The following PHEX variants were observed in gnomAD, a reference collection of about 807,000 sequenced individuals.
The protein encoded by PHEX is phosphate regulating endopeptidase X-linked, also known as phosphate-regulating neutral endopeptidase PHEX.
Under a neutral mutation model 68.0 loss-of-function variants are expected in PHEX, and 16 were observed. The observed-to-expected ratio is 0.24, with a 90% CI of 0.16 to 0.36. The LOEUF (loss-of-function observed/expected upper bound fraction) is 0.36, where lower values mean the gene tolerates loss of function less well. Ranked by LOEUF, PHEX falls within the 10% of genes least tolerant of loss-of-function variation. PHEX has a pLI of 1.00. For synonymous variants in PHEX, 208 were observed against 205.1 expected (o/e 1.01, Z -0.12); for missense variants, 480 against 575.5 (o/e 0.83, Z 1.70).
chrX:22,104,128 C>T (rs1487243850), intron 9 of PHEX, among the ~76,000 whole-genome samples: 1 of 111,741 alleles, frequency 8.9e-6, no homozygotes, highest in Non-Finnish European at 1.9e-5. Context: ...ATGTCTTTTG[C>T]CCACTTTTTG....
At chrX:22,069,655 A>G (rs781080840) in intron 3 of PHEX, among the ~76,000 whole-genome samples, 1 of 112,172 alleles carries the variant, frequency 8.9e-6, no homozygotes, top group Admixed American at 9.5e-5. Flanking sequence ...TAAAAAATGA[A>G]CAGAGAAAAT....
chrX:22,051,225 A>T (rs2146991779), intron 3 of PHEX, among the ~76,000 whole-genome samples: 1 of 112,752 alleles, frequency 8.9e-6, no homozygotes, highest in East Asian at 2.8e-4. Context: ...GTATTTTTTA[A>T]CAAAAATAGG....
At chrX:22,106,044 A>T (rs995420090) in intron 9 of PHEX, among the ~76,000 whole-genome samples, 2 of 110,023 alleles carry the variant, frequency 1.8e-5, no homozygotes, top group Non-Finnish European at 3.8e-5. Flanking sequence ...ATTTATTGCC[A>T]CTTGGGGAAA....
chrX:22,106,223 C>T (rs1357232111), intron 9 of PHEX, among the ~76,000 whole-genome samples: 2 of 111,542 alleles, frequency 1.8e-5, no homozygotes, highest in Non-Finnish European at 3.8e-5. Flanking sequence ...ATTAGCACTC[C>T]AAAACTGTGC....
chrX:22,140,823 A>G (rs1932427031), intron 12 of PHEX, among the ~76,000 whole-genome samples: 1 of 111,820 alleles, frequency 8.9e-6, no homozygotes, highest in Admixed American at 9.5e-5. Flanking sequence ...TGTTTCTCAC[A>G]TTAAATTAAC....
intron 20 of PHEX, among the ~76,000 whole-genome samples, chrX:22,243,110 C>T (rs56364967): frequency 0.087 from 9,668 of 111,166 alleles, 340 homozygotes; most frequent in Middle Eastern, 0.12. Context: ...AGAACAGAGC[C>T]CTCAGAAATA....
intron 12 of PHEX, among the ~76,000 whole-genome samples, chrX:22,165,087 T>A (rs926796741): frequency 4.5e-5 from 5 of 112,265 alleles, no homozygotes; most frequent in African/African-American, 1.6e-4. Flanking sequence ...AAGTGTACTA[T>A]CTTACTATGT....
At chrX:22,230,039 G>T (rs1278175597) in intron 20 of PHEX, among the ~76,000 whole-genome samples, 1 of 110,514 alleles carries the variant, frequency 9.0e-6, no homozygotes, top group African/African-American at 3.3e-5. Flanking sequence ...GTTTGTCAAA[G>T]ATCAGATGGT....
intron 21 of PHEX, among the ~76,000 whole-genome samples, chrX:22,246,103 T>C (rs772297576): frequency 9.0e-6 from 1 of 111,627 alleles, no homozygotes; most frequent in Non-Finnish European, 1.9e-5. Context: ...CGGTAGCTTA[T>C]ACAAAAAAGG....
At chrX:22,245,297 T>C in intron 20 of PHEX, 36 bp from the exon 21 acceptor site, 1 of 1,094,295 alleles carries the variant, frequency 9.1e-7, no homozygotes, top group Non-Finnish European at 1.3e-6. Flanking sequence ...ATAATTGGAA[T>C]GAAAGCTCAT....
In PHEX at chrX:22,053,895, C is replaced by T. The variant is rs370551970; in HGVS notation, c.349+6684C>T. On this transcript the variant is annotated intron_variant, in intron 3 of 21. Transcript: ENST00000379374. ...CCATTTATTTGTAAATACCTTCTGG[C>T]TGAGATTCAAATAGTTCTCGTAATT... is the stretch of plus-strand genomic sequence containing the variant. Among the ~76,000 whole-genome samples the T allele has an allele frequency of 4.5e-5, 5 of 111,886 alleles. No homozygotes were observed. In the East Asian group the frequency reaches 1.4e-3, roughly 31 times the overall value.
intron 9 of PHEX, among the ~76,000 whole-genome samples, chrX:22,105,821 T>G (rs2285064): frequency 0.34 from 37,791 of 111,296 alleles, 5,928 homozygotes; most frequent in African/African-American, 0.63. Flanking sequence ...GCCACTACAA[T>G]TTGAGTATCC....
At chrX:22,190,335 A>G in intron 14 of PHEX, 109 bp from the exon 15 acceptor site, 1 of 582,127 alleles carries the variant, frequency 1.7e-6, no homozygotes, top group South Asian at 2.2e-5. Context: ...CAACATCCCC[A>G]TTGTTCCATG....
intron 21 of PHEX, 48 bp downstream of exon 21, chrX:22,245,457 C>G (rs754996473): frequency 3.2e-5 from 27 of 832,052 alleles, no homozygotes; most frequent in East Asian, 1.6e-4. Context: ...ACATCTCCCC[C>G]CTTCCTCCCC....
rs1485174242 is a variant in PHEX at position 22,249,453 on chromosome X, AAAATATAT to A, written c.*1502_*1509del. 2.1e-4 allele frequency: 6 copies of A among 28,043 alleles called. 1 individual carries two copies. Among genetic ancestry groups the A allele is most frequent in the East Asian group, 1.9e-3 (3 of 1,599 alleles). 2.3% of individuals were successfully genotyped at this position (28,043 alleles called of 1,213,427 possible). A position where few individuals can be genotyped will look rare whatever the true frequency, so the allele number is the denominator to read the frequency against. On this transcript the variant is annotated 3_prime_UTR_variant, in exon 22 of 22. Transcript: ENST00000379374. ...ATTTGTGATTCTTTTAAAAAAAAAAAAAATATATATATATATATATATATATATATATA... is the reference window on the plus strand; with the variant it reads ...ATTTGTGATTCTTTTAAAAAAAAAAAATATATATATATATATATATATATA...
intron 11 of PHEX, among the ~76,000 whole-genome samples, chrX:22,116,539 C>T (rs1931240333): frequency 9.0e-6 from 1 of 111,322 alleles, no homozygotes. Flanking sequence ...CATGATTGTT[C>T]AAATGATTGG....
At chrX:22,181,661 G>C (rs1036938427) in intron 14 of PHEX, among the ~76,000 whole-genome samples, 2 of 111,639 alleles carry the variant, frequency 1.8e-5, no homozygotes, top group African/African-American at 6.5e-5. Flanking sequence ...TCTGTAGATT[G>C]CTTTTGGTAG....
intron 12 of PHEX, among the ~76,000 whole-genome samples, chrX:22,134,070 C>T (rs1272240082): frequency 8.9e-6 from 1 of 111,835 alleles, no homozygotes; most frequent in African/African-American, 3.3e-5. Context: ...TGTCCTGGGG[C>T]AAATCCTTTC....
At chrX:22,038,219 T>C (rs1414365318) in intron 1 of PHEX, among the ~76,000 whole-genome samples, 1 of 110,808 alleles carries the variant, frequency 9.0e-6, no homozygotes, top group Non-Finnish European at 1.9e-5. Flanking sequence ...TTAGGAGCTC[T>C]GGTCTAGTTA....
Sources: allele counts gnomAD v4.1 joint callset (sites outside exome capture counted in the v4.1 genomes callset), GRCh38; gene constraint gnomAD v4.1.1; transcripts MANE v1.5; gene names NCBI Gene and HGNC (gene_info 2026-07-23, HGNC 2026-07-21).